LEMD1: variants seen among roughly 807,000 people sequenced by gnomAD.
The protein encoded by LEMD1 is LEM domain containing 1, also known as LEM domain-containing protein 1.
In LEMD1, 18 loss-of-function variants were observed where a neutral mutation model predicts 17.4. The observed-to-expected ratio is 1.04, with a 90% CI of 0.72 to 1.54. The LOEUF (loss-of-function observed/expected upper bound fraction) is 1.54, where lower values mean the gene tolerates loss of function less well. Among genes scored for constraint, LEMD1 ranks in the 40% most tolerant of loss-of-function variants. LEMD1 has a pLI of 0.00. For synonymous variants in LEMD1, 88 were observed against 77.8 expected, an observed-to-expected ratio of 1.13 and a Z score of -0.69; for missense variants, 195 against 210.4, an observed-to-expected ratio of 0.93 and a Z score of 0.45.
chr1:205,411,698 A>G (rs1385825643), intron 4 of LEMD1, among the ~76,000 whole-genome samples: 3 of 150,092 alleles, frequency 2.0e-5, no homozygotes, highest in South Asian at 2.1e-4. Flanking sequence ...AAAGAAAGAA[A>G]AAGGAAGAAA....
intron 4 of LEMD1, among the ~76,000 whole-genome samples, chr1:205,413,772 C>T (rs1209711822): frequency 2.6e-5 from 4 of 151,490 alleles, no homozygotes; most frequent in Admixed American, 2.6e-4. Flanking sequence ...TGTGCCTTAG[C>T]CTCCTGAGTA....
intron 4 of LEMD1, among the ~76,000 whole-genome samples, chr1:205,403,142 G>A (rs868422811): frequency 1.3e-5 from 2 of 152,130 alleles, no homozygotes; most frequent in African/African-American, 2.4e-5. Flanking sequence ...TGTTCATCAA[G>A]GATATTGGTC....
intron 4 of LEMD1, among the ~76,000 whole-genome samples, chr1:205,398,234 T>G (rs1359394072): frequency 1.3e-5 from 2 of 152,236 alleles, no homozygotes; most frequent in Non-Finnish European, 2.9e-5. Flanking sequence ...ATACAACTAC[T>G]ACTGGGAATA....
intron 1 of LEMD1, among the ~76,000 whole-genome samples, chr1:205,446,105 C>A (rs1007189606): frequency 6.6e-6 from 1 of 152,214 alleles, no homozygotes; most frequent in African/African-American, 2.4e-5. Context: ...ACACACACAG[C>A]CCTCTGATCT....
intron 1 of LEMD1, among the ~76,000 whole-genome samples, chr1:205,443,781 G>A (rs547654459): frequency 4.6e-5 from 7 of 152,314 alleles, no homozygotes; most frequent in African/African-American, 7.2e-5. Flanking sequence ...GCAGATTGCC[G>A]GGCCAGCCCC....
intron 4 of LEMD1, among the ~76,000 whole-genome samples, chr1:205,396,287 T>C (rs1664588030): frequency 1.3e-5 from 2 of 152,216 alleles, no homozygotes; most frequent in African/African-American, 4.8e-5. Flanking sequence ...GCTGGGATAA[T>C]AGGCATTAGC....
intron 4 of LEMD1, among the ~76,000 whole-genome samples, chr1:205,393,488 C>T (rs1664438303): frequency 6.6e-6 from 1 of 151,844 alleles, no homozygotes; most frequent in Non-Finnish European, 1.5e-5. Context: ...CCAGCCTGGC[C>T]AACATGGTGA....
chr1:205,413,414 G>A (rs759942003), intron 4 of LEMD1, among the ~76,000 whole-genome samples: 6 of 151,870 alleles, frequency 4.0e-5, no homozygotes, highest in Non-Finnish European at 7.4e-5. Flanking sequence ...TCAGCCTCCT[G>A]AGTAGCTGGG....
At chr1:205,429,990 C>G (rs1666104780) in intron 1 of LEMD1, among the ~76,000 whole-genome samples, 1 of 152,164 alleles carries the variant, frequency 6.6e-6, no homozygotes, top group African/African-American at 2.4e-5. Context: ...AGGTGACATT[C>G]CGAAACACTA....
chr1:205,418,393 C>A (rs1480915780), intron 3 of LEMD1, among the ~76,000 whole-genome samples: 1 of 152,204 alleles, frequency 6.6e-6, no homozygotes, highest in Admixed American at 6.5e-5. Flanking sequence ...GTCAGCAAAG[C>A]CCAGAGATCC....
chr1:205,394,045 G>A (rs894623266), intron 4 of LEMD1, among the ~76,000 whole-genome samples: 1 of 152,152 alleles, frequency 6.6e-6, no homozygotes, highest in Non-Finnish European at 1.5e-5. Context: ...AAGTGCTGAC[G>A]CAAATACATG....
At chr1:205,404,904 C>CA (rs1343847685) in intron 4 of LEMD1, among the ~76,000 whole-genome samples, 4 of 151,940 alleles carry the variant, frequency 2.6e-5, no homozygotes, top group Non-Finnish European at 5.9e-5. Flanking sequence ...CTGGTGGTGA[C>CA]AAAATCTCTC....
chr1:205,396,486 G>A (rs1664597014), intron 4 of LEMD1, among the ~76,000 whole-genome samples: 1 of 152,082 alleles, frequency 6.6e-6, no homozygotes, highest in Non-Finnish European at 1.5e-5. Context: ...TAAACACTGG[G>A]TCCTGTACCA....
chr1:205,433,971 G>C (rs1666165726), intron 1 of LEMD1, among the ~76,000 whole-genome samples: 1 of 152,222 alleles, frequency 6.6e-6, no homozygotes, highest in African/African-American at 2.4e-5. Context: ...GAGATCATTG[G>C]AATCTCTGTT....
Position 205,381,542 on chromosome 1 carries a change from A to G in LEMD1, c.*116T>C. On this transcript the variant is annotated 3_prime_UTR_variant, in exon 6 of 6. Transcript: ENST00000367153. ...CGATCTGTGAGAGCAGCACAGTGCA[A>G]GGGAAGGCTCCCTGCAAGGGAGGGC... is the stretch of plus-strand genomic sequence containing the variant. The G allele has an allele frequency of 1.0e-6, 1 of 993,338 alleles. No individual in the cohort carries two copies. The highest frequency in any genetic ancestry group is 1.6e-6 in the Non-Finnish European group (1 of 633,114). The allele number at this position is 993,338 out of a possible 1,614,324, so 61.5% of individuals were successfully genotyped here. A position where few individuals can be genotyped will look rare whatever the true frequency, so the allele number is the denominator to read the frequency against.
At chr1:205,430,726 A>AC (rs1185840975) in intron 1 of LEMD1, among the ~76,000 whole-genome samples, 11 of 152,006 alleles carry the variant, frequency 7.2e-5, no homozygotes, top group African/African-American at 2.7e-4. Context: ...CAGCCGGGGG[A>AC]CCCCCAAGCA....
At chr1:205,426,944 G>C (rs1435468423), upstream of LEMD1, among the ~76,000 whole-genome samples, 1 of 152,128 alleles carries the variant, frequency 6.6e-6, no homozygotes, top group African/African-American at 2.4e-5. Flanking sequence ...AAATGATAAT[G>C]AACAGTAGTG....
intron 4 of LEMD1, among the ~76,000 whole-genome samples, chr1:205,390,355 T>TAA (rs566363489): frequency 1.2e-4 from 17 of 136,024 alleles, no homozygotes; most frequent in Admixed American, 3.7e-4. Flanking sequence ...ACTCTCTCTC[T>TAA]AAAAAAAAAA....
chr1:205,384,270 G>A lies in LEMD1; in HGVS notation c.347+18C>T. ...TACAATAATATCAATTTCCACATAT[G>A]CTAAAAAACATCATTACCTTCTTCC... On this transcript the variant is annotated intron_variant, in intron 5 of 5. Transcript: ENST00000367153. The A allele has an allele frequency of 2.8e-6, 4 of 1,413,940 alleles. No individual in the cohort carries two copies. Among genetic ancestry groups the A allele is most frequent in the Non-Finnish European group, 2.8e-6 (3 of 1,060,040 alleles). 87.6% of individuals were successfully genotyped at this position (1,413,940 alleles called of 1,614,324 possible).
Sources: allele counts gnomAD v4.1 joint callset (sites outside exome capture counted in the v4.1 genomes callset), GRCh38; gene constraint gnomAD v4.1.1; transcripts MANE v1.5; gene names NCBI Gene and HGNC (gene_info 2026-07-23, HGNC 2026-07-21).